SOX5: variants seen among roughly 807,000 people sequenced by gnomAD.
The protein encoded by SOX5 is transcription factor SOX-5.
SOX5 carries 9 observed loss-of-function variants against 92.0 expected under a neutral mutation model. The observed-to-expected ratio is 0.10, with a 90% CI of 0.06 to 0.17. SOX5 has a LOEUF of 0.17. SOX5 is among the 10% of genes least tolerant of loss of function. The pLI is 1.00. For missense variants in SOX5, 642 were observed against 944.5 expected (o/e 0.68, Z 4.20); for synonymous variants, 344 against 336.3 (o/e 1.02, Z -0.25).
chr12:24,444,270 A>ATGTC (rs142754863), intron 1 of SOX5, among the ~76,000 whole-genome samples: 1 of 149,154 alleles, frequency 6.7e-6, no homozygotes, highest in East Asian at 2.0e-4. Flanking sequence ...AGGCCACTGA[A>ATGTC]TGTGTGTGTG....
chr12:23,822,120 C>T (rs1021730923), intron 3 of SOX5, among the ~76,000 whole-genome samples: 4 of 152,136 alleles, frequency 2.6e-5, no homozygotes, highest in Non-Finnish European at 5.9e-5. Context: ...GTCTCTATCT[C>T]CTTCAGTTCT....
chr12:24,560,183 G>A (rs1442885146), intron 1 of SOX5, among the ~76,000 whole-genome samples: 1 of 151,962 alleles, frequency 6.6e-6, no homozygotes, highest in East Asian at 1.9e-4. Flanking sequence ...AGAAAAGGGG[G>A]AAAAAAGAAA....
chr12:23,866,679 A>G (rs16926804), intron 2 of SOX5, among the ~76,000 whole-genome samples: 1 of 151,958 alleles, frequency 6.6e-6, no homozygotes, highest in Admixed American at 6.5e-5. Context: ...TACATTTGAG[A>G]CTACTGAACA....
At chr12:23,861,110 G>A (rs34918908) in intron 2 of SOX5, among the ~76,000 whole-genome samples, 17,784 of 152,022 alleles carry the variant, frequency 0.12, 1,350 homozygotes, top group Non-Finnish European at 0.18. Flanking sequence ...AGACTAAAGC[G>A]TGACAAAAAG....
intron 3 of SOX5, among the ~76,000 whole-genome samples, chr12:23,779,955 CTGTGTGTGTGTGTGTG>C (rs10686652): frequency 1.5e-5 from 2 of 136,530 alleles, no homozygotes; most frequent in African/African-American, 2.7e-5. Context: ...CACAGCGAGA[CTGTGTGTGTGTGTGTG>C]TGTGTGTGTG....
At chr12:24,348,049 C>CAAA (rs1182462748) in intron 2 of SOX5, among the ~76,000 whole-genome samples, 188 of 72,702 alleles carry the variant, frequency 2.6e-3, no homozygotes, top group African/African-American at 5.2e-3. Flanking sequence ...TACAGCTAAT[C>CAAA]AAAAAAAAAA....
intron 11 of SOX5, among the ~76,000 whole-genome samples, chr12:23,549,603 AATG>A (rs1345207773): frequency 6.6e-6 from 1 of 151,968 alleles, no homozygotes; most frequent in African/African-American, 2.4e-5. Context: ...AAATGCGCTG[AATG>A]ATGTCAGAAT....
intron 6 of SOX5, among the ~76,000 whole-genome samples, chr12:23,695,610 A>T (rs182314110): frequency 6.6e-6 from 1 of 152,258 alleles, no homozygotes; most frequent in African/African-American, 2.4e-5. Context: ...TCAATTAGCT[A>T]TACTTACTTT....
chr12:23,836,197 A>G (rs1334544885), intron 3 of SOX5, among the ~76,000 whole-genome samples: 1 of 151,834 alleles, frequency 6.6e-6, no homozygotes, highest in East Asian at 1.9e-4. Context: ...GTCACTCTTA[A>G]CTGTTAGGTT....
intron 4 of SOX5, among the ~76,000 whole-genome samples, chr12:23,743,152 T>C (rs944200281): frequency 1.3e-5 from 2 of 152,150 alleles, no homozygotes; most frequent in African/African-American, 2.4e-5. Flanking sequence ...GATATAAAGC[T>C]AGGTTTAAAA....
intron 6 of SOX5, among the ~76,000 whole-genome samples, chr12:23,679,737 A>G (rs1345941412): frequency 1.3e-5 from 2 of 152,180 alleles, no homozygotes; most frequent in African/African-American, 4.8e-5. Context: ...ATCAATTTAG[A>G]TACTCTGATT....
rs188277683 is a variant in SOX5, at chr12:23,809,268, T to C, written c.481+36715A>G. 5.3e-4 allele frequency among the ~76,000 whole-genome samples: 80 copies of C among 152,226 alleles called. 2 individuals are homozygous for C. Among genetic ancestry groups the C allele is most frequent in the Middle Eastern group, 6.8e-3 (2 of 294 alleles). The stretch of plus-strand genomic sequence containing the variant: ...GGGTAGGGAGAGGCAGTGGTAGGAA[T>C]AGGAGTAGAAAAGAGAAATATTTTT... On this transcript the variant is annotated intron_variant, in intron 3 of 14. Coordinates refer to ENST00000451604, the MANE Select transcript of SOX5 (RefSeq NM_006940.6).
chr12:23,972,072 CAA>C (rs1472846659), intron 4 of SOX5, among the ~76,000 whole-genome samples: 1 of 152,060 alleles, frequency 6.6e-6, no homozygotes, highest in Non-Finnish European at 1.5e-5. Flanking sequence ...TCACAGAACA[CAA>C]AAGAGATTAA....
At chr12:23,617,083 G>A (rs1178014927) in intron 8 of SOX5, among the ~76,000 whole-genome samples, 2 of 150,570 alleles carry the variant, frequency 1.3e-5, no homozygotes, top group East Asian at 1.9e-4. Flanking sequence ...TGTGATTGTG[G>A]CACTGCACTC....
At chr12:23,925,483 T>C (rs919774092) in intron 1 of SOX5, among the ~76,000 whole-genome samples, 2 of 152,054 alleles carry the variant, frequency 1.3e-5, no homozygotes, top group African/African-American at 2.4e-5. Flanking sequence ...AATTTAGTGA[T>C]AGGTGCCAGA....
chr12:23,741,953 G>C (rs1450592734), intron 4 of SOX5, among the ~76,000 whole-genome samples: 1 of 152,124 alleles, frequency 6.6e-6, no homozygotes, highest in Non-Finnish European at 1.5e-5. Context: ...AAAGGAAACA[G>C]TATCTCTTTT....
intron 9 of SOX5, among the ~76,000 whole-genome samples, chr12:23,595,280 T>C (rs183060678): frequency 7.2e-5 from 11 of 152,140 alleles, no homozygotes; most frequent in Non-Finnish European, 1.0e-4. Context: ...TGTAAGATAT[T>C]GTTTGGGATC....
intron 1 of SOX5, among the ~76,000 whole-genome samples, chr12:24,535,700 G>GA (rs1434971083): frequency 2.0e-5 from 3 of 152,178 alleles, no homozygotes; most frequent in Non-Finnish European, 4.4e-5. Context: ...AAATCATACA[G>GA]AAAAATAAGG....
intron 4 of SOX5, among the ~76,000 whole-genome samples, chr12:24,148,564 C>A (rs368967647): frequency 1.0e-4 from 15 of 145,340 alleles, no homozygotes; most frequent in African/African-American, 3.6e-4. Flanking sequence ...AACAAACTCA[C>A]AGGGGCTGGG....
Sources: allele counts gnomAD v4.1 joint callset (sites outside exome capture counted in the v4.1 genomes callset), GRCh38; gene constraint gnomAD v4.1.1; transcripts MANE v1.5; gene names NCBI Gene and HGNC (gene_info 2026-07-23, HGNC 2026-07-21).